Variants in KCNT2 observed in about 807,000 individuals in gnomAD.
KCNT2 encodes the protein potassium channel subfamily T member 2.
KCNT2 carries 67 observed loss-of-function variants against 153.8 expected under a neutral mutation model. The ratio of observed to expected loss-of-function variants is 0.44; its 90% CI spans 0.36 to 0.53. The LOEUF is 0.53. Among genes scored for constraint, KCNT2 ranks in the 20% least tolerant of loss-of-function variants. The probability of loss-of-function intolerance (pLI) is 0.00; values close to 1 mark genes in which losing one functional copy is unlikely to be tolerated. For missense variants in KCNT2, 975 were observed against 1,354.8 expected (o/e 0.72, Z 4.40); for synonymous variants, 500 against 458.8 (o/e 1.09, Z -1.15).
rs1182010605 is a variant in KCNT2, at chr1:196,340,525, G to A, written c.1599C>T (p.Asn533=). The change falls in exon 16 of 28, where the codon AAC becomes AAT. Residue 533 remains asparagine (N), a synonymous_variant. Coordinates refer to ENST00000294725, the MANE Select transcript of KCNT2 (RefSeq NM_198503.5). ...LIGVRREDNK[N]ILLNPGPRYI... is the part of the protein sequence containing the mutation. ...ATCGAGGACCTGGATTCAGCAAAATGTTTTTATTATCCTCCCTCCTAACAC... is the reference window on the plus strand; with the variant it reads ...ATCGAGGACCTGGATTCAGCAAAATATTTTTATTATCCTCCCTCCTAACAC... 6 of 1,610,660 alleles carry A rather than the reference G, an allele frequency of 3.7e-6. No homozygotes were observed. In the South Asian group the frequency reaches 6.6e-5, roughly 18 times the overall value.
At chr1:196,465,995 G>A (rs1677581593) in intron 7 of KCNT2, among the ~76,000 whole-genome samples, 1 of 151,942 alleles carries the variant, frequency 6.6e-6, no homozygotes, top group African/African-American at 2.4e-5. Flanking sequence ...TAACTAAGTT[G>A]ACTGATTTGG....
chr1:196,481,488 T>C (rs1286547350), intron 4 of KCNT2, among the ~76,000 whole-genome samples: 1 of 152,176 alleles, frequency 6.6e-6, no homozygotes, highest in Non-Finnish European at 1.5e-5. Context: ...AATAAACTAG[T>C]TTAAAGATTG....
chr1:196,492,419 A>G, intron 1 of KCNT2, 78 bp from the exon 2 acceptor site: 2 of 1,039,120 alleles, frequency 1.9e-6, no homozygotes, highest in Non-Finnish European at 2.5e-6. Context: ...ACAAATATAA[A>G]TTGATCTGTA....
chr1:196,443,213 A>G (rs1675394936), intron 8 of KCNT2, among the ~76,000 whole-genome samples: 1 of 151,680 alleles, frequency 6.6e-6, no homozygotes, highest in Non-Finnish European at 1.5e-5. Context: ...TATTTTGGAC[A>G]TATTTAGTTT....
chr1:196,247,780 A>G (rs1210486415), intron 26 of KCNT2, among the ~76,000 whole-genome samples: 1 of 152,180 alleles, frequency 6.6e-6, no homozygotes. Context: ...CTACAATTCA[A>G]GATGAGATAT....
chr1:196,370,615 A>T (rs1213825149), intron 14 of KCNT2, among the ~76,000 whole-genome samples: 1 of 152,086 alleles, frequency 6.6e-6, no homozygotes, highest in Non-Finnish European at 1.5e-5. Context: ...TATATTGATG[A>T]TGATAATCAA....
At chr1:196,581,902 G>A (rs1333911065) in intron 1 of KCNT2, among the ~76,000 whole-genome samples, 2 of 151,912 alleles carry the variant, frequency 1.3e-5, no homozygotes, top group Non-Finnish European at 1.5e-5. Context: ...CTGGATAATA[G>A]GCATCACAAA....
At chr1:196,310,156 C>T (rs1188413161) in intron 21 of KCNT2, among the ~76,000 whole-genome samples, 3 of 151,850 alleles carry the variant, frequency 2.0e-5, no homozygotes, top group Admixed American at 6.6e-5. Context: ...ATGTTTATGA[C>T]ACATTATTCA....
intron 1 of KCNT2, among the ~76,000 whole-genome samples, chr1:196,605,811 C>T (rs1294131477): frequency 6.6e-6 from 1 of 152,014 alleles, no homozygotes; most frequent in Non-Finnish European, 1.5e-5. Flanking sequence ...TTGCAAAGGG[C>T]AAATCAGAAG....
chr1:196,286,617 T>TCA (rs548240607), intron 22 of KCNT2, among the ~76,000 whole-genome samples: 10,182 of 143,200 alleles, frequency 0.071, 358 homozygotes, highest in Non-Finnish European at 0.077. Flanking sequence ...CTTCTGTATA[T>TCA]CACACACACA....
At chr1:196,314,273 A>T (rs1662483920) in intron 21 of KCNT2, among the ~76,000 whole-genome samples, 1 of 151,584 alleles carries the variant, frequency 6.6e-6, no homozygotes, top group Non-Finnish European at 1.5e-5. Context: ...ATCCTCTTTT[A>T]TATAATTAGC....
intron 1 of KCNT2, among the ~76,000 whole-genome samples, chr1:196,505,072 G>A (rs1435372181): frequency 7.2e-5 from 11 of 152,262 alleles, no homozygotes; most frequent in Admixed American, 1.3e-4. Flanking sequence ...TTGCTGTGCA[G>A]AAGCTCTTTA....
chr1:196,608,016 AAG>A (rs1665511127), intron 1 of KCNT2, among the ~76,000 whole-genome samples, 197 bp downstream of exon 1: 2 of 152,184 alleles, frequency 1.3e-5, no homozygotes, highest in African/African-American at 4.8e-5. Context: ...TGTAAAGAAA[AAG>A]AGTTCCTTAT....
intron 21 of KCNT2, among the ~76,000 whole-genome samples, chr1:196,310,902 C>T (rs887808164): frequency 2.0e-5 from 3 of 151,796 alleles, no homozygotes; most frequent in Admixed American, 6.6e-5. Flanking sequence ...AATATGGCTT[C>T]TAAATTCCAT....
intron 14 of KCNT2, among the ~76,000 whole-genome samples, chr1:196,349,398 G>A (rs1233767184): frequency 6.6e-6 from 1 of 152,044 alleles, no homozygotes; most frequent in African/African-American, 2.4e-5. Flanking sequence ...ACCAGCTCAG[G>A]CTTGTTCTCC....
chr1:196,584,968 C>T (rs1662496032), intron 1 of KCNT2, among the ~76,000 whole-genome samples: 1 of 151,944 alleles, frequency 6.6e-6, no homozygotes, highest in African/African-American at 2.4e-5. Flanking sequence ...GCGTGGGTCC[C>T]ATGAAAAAGA....
At chr1:196,534,073 A>T (rs1411295668) in intron 1 of KCNT2, among the ~76,000 whole-genome samples, 1 of 152,128 alleles carries the variant, frequency 6.6e-6, no homozygotes, top group East Asian at 1.9e-4. Context: ...TTCAGTGCAC[A>T]AAAACTTGGA....
intron 14 of KCNT2, among the ~76,000 whole-genome samples, chr1:196,347,806 A>G (rs1011884492): frequency 6.6e-6 from 1 of 152,124 alleles, no homozygotes; most frequent in Non-Finnish European, 1.5e-5. Context: ...GATTTTCCAC[A>G]ATACTTTTCT....
At chr1:196,462,854 C>A (rs955651737) in intron 8 of KCNT2, among the ~76,000 whole-genome samples, 2 of 151,022 alleles carry the variant, frequency 1.3e-5, no homozygotes, top group Non-Finnish European at 3.0e-5. Context: ...GTTGTTTTTT[C>A]TTTTTTGTGT....
Sources: allele counts gnomAD v4.1 joint callset (sites outside exome capture counted in the v4.1 genomes callset), GRCh38; gene constraint gnomAD v4.1.1; transcripts MANE v1.5; gene names NCBI Gene and HGNC (gene_info 2026-07-23, HGNC 2026-07-21).